TRAPPC3L: variants seen among roughly 807,000 people sequenced by gnomAD.
TRAPPC3L encodes the protein trafficking protein particle complex subunit 3-like protein.
TRAPPC3L carries 23 observed loss-of-function variants against 23.7 expected under a neutral mutation model. The ratio of observed to expected loss-of-function variants is 0.97; its 90% CI spans 0.70 to 1.37. TRAPPC3L has a LOEUF of 1.37. TRAPPC3L is among the 40% of genes most tolerant of loss of function. TRAPPC3L has a pLI of 0.00. For synonymous variants in TRAPPC3L, 81 were observed against 77.9 expected, an observed-to-expected ratio of 1.04 and a Z score of -0.21; for missense variants, 212 against 216.8, an observed-to-expected ratio of 0.98 and a Z score of 0.14.
intron 2 of TRAPPC3L, among the ~76,000 whole-genome samples, chr6:116,542,501 T>C (rs1473563502): frequency 6.6e-6 from 1 of 152,152 alleles, no homozygotes; most frequent in Non-Finnish European, 1.5e-5. Flanking sequence ...TCTGCCTAGA[T>C]AAATCTTCTA....
At chr6:116,536,524 A>G (rs533093524) in intron 3 of TRAPPC3L, among the ~76,000 whole-genome samples, 2 of 152,330 alleles carry the variant, frequency 1.3e-5, no homozygotes, top group South Asian at 2.1e-4. Context: ...CTGTTCCTAC[A>G]TGTAGTCTTT....
chr6:116,504,905 A>T (rs989291439), intron 3 of TRAPPC3L, among the ~76,000 whole-genome samples: 1 of 152,238 alleles, frequency 6.6e-6, no homozygotes, highest in Non-Finnish European at 1.5e-5. Flanking sequence ...ACCCACAGCC[A>T]ATATCATATT....
intron 3 of TRAPPC3L, chr6:116,524,063 T>A (rs868454422): frequency 4.6e-5 from 7 of 152,214 alleles, no homozygotes; most frequent in African/African-American, 1.4e-4. Flanking sequence ...TGTGTGGTAA[T>A]GGTGTGCCGA....
intron 3 of TRAPPC3L, among the ~76,000 whole-genome samples, chr6:116,506,074 G>A (rs1772002237): frequency 6.6e-6 from 1 of 152,138 alleles, no homozygotes; most frequent in Non-Finnish European, 1.5e-5. Context: ...TCATCAGACT[G>A]AGCAGGCAAC....
intron 3 of TRAPPC3L, among the ~76,000 whole-genome samples, chr6:116,538,598 C>A (rs768623199): frequency 2.0e-5 from 3 of 152,190 alleles, no homozygotes; most frequent in Non-Finnish European, 4.4e-5. Context: ...AATTATTCTT[C>A]AAATGTTCAA....
chr6:116,511,647 T>G, intron 3 of TRAPPC3L: 1 of 1,560,436 alleles, frequency 6.4e-7, no homozygotes, highest in Non-Finnish European at 8.7e-7. Flanking sequence ...CTGCCACAGC[T>G]GCTCTGCCAA....
At chr6:116,517,776 C>T (rs982657543) in intron 3 of TRAPPC3L, 1 of 152,114 alleles carries the variant, frequency 6.6e-6, no homozygotes, top group Non-Finnish European at 1.5e-5. Context: ...GCCACGGGAA[C>T]CAACCATGTG....
In TRAPPC3L at chr6:116,505,652, T is replaced by C. The variant is rs570873721; in HGVS notation, c.241-4986A>G. Reference sequence around the variant, plus strand: ...GGTTACAGTAACCAAAACAGCATGGTACTGGTACCAAAACAGATATATAGA... The same window carrying C: ...GGTTACAGTAACCAAAACAGCATGGCACTGGTACCAAAACAGATATATAGA... On this transcript the variant is annotated intron_variant, in intron 3 of 4. Transcript: ENST00000368602. Among the ~76,000 whole-genome samples, 63 of 152,322 alleles carry C rather than the reference T, an allele frequency of 4.1e-4. 1 individual carries two copies. In the South Asian group the frequency reaches 0.013, roughly 31 times the overall value.
intron 3 of TRAPPC3L, among the ~76,000 whole-genome samples, chr6:116,535,081 T>C (rs985734144): frequency 6.6e-6 from 1 of 152,218 alleles, no homozygotes; most frequent in Non-Finnish European, 1.5e-5. Flanking sequence ...ACATTGTCAG[T>C]AACTAGAAGG....
At chr6:116,534,704 C>A (rs1772963755) in intron 3 of TRAPPC3L, among the ~76,000 whole-genome samples, 1 of 151,552 alleles carries the variant, frequency 6.6e-6, no homozygotes, top group African/African-American at 2.4e-5. Flanking sequence ...TTCCTATGAT[C>A]ATTTCCTTGA....
At chr6:116,539,784 A>C (rs1051822981) in intron 3 of TRAPPC3L, among the ~76,000 whole-genome samples, 6 of 152,174 alleles carry the variant, frequency 3.9e-5, no homozygotes, top group African/African-American at 1.4e-4. Context: ...ACACTACATT[A>C]ATAACCATAG....
chr6:116,526,092 T>G (rs574772757), intron 3 of TRAPPC3L, among the ~76,000 whole-genome samples: 1 of 152,332 alleles, frequency 6.6e-6, no homozygotes, highest in African/African-American at 2.4e-5. Flanking sequence ...GCTTACAAAC[T>G]GATCCATTTC....
At chr6:116,511,873 C>A in intron 3 of TRAPPC3L, 1 of 1,614,068 alleles carries the variant, frequency 6.2e-7, no homozygotes, top group Non-Finnish European at 8.5e-7. Context: ...TTGCTCCTGC[C>A]TGGGTGTTAC....
chr6:116,511,656 A>G, intron 3 of TRAPPC3L: 1 of 1,581,406 alleles, frequency 6.3e-7, no homozygotes. Context: ...CTGCTCTGCC[A>G]ATAACAAAGG....
chr6:116,542,406 A>G (rs1363294072), intron 2 of TRAPPC3L, among the ~76,000 whole-genome samples: 3 of 152,144 alleles, frequency 2.0e-5, no homozygotes, highest in Non-Finnish European at 4.4e-5. Flanking sequence ...TTCAATCTTT[A>G]TGTTGTCTTT....
intron 3 of TRAPPC3L, among the ~76,000 whole-genome samples, chr6:116,502,904 C>T (rs1771941275): frequency 6.6e-6 from 1 of 152,170 alleles, no homozygotes; most frequent in Admixed American, 6.5e-5. Context: ...ACAACCGATA[C>T]CAGCCACTGC....
intron 3 of TRAPPC3L, among the ~76,000 whole-genome samples, chr6:116,515,259 A>G (rs575786810): frequency 7.7e-4 from 118 of 152,336 alleles, no homozygotes; most frequent in Non-Finnish European, 1.4e-3. Flanking sequence ...TTATGCACAG[A>G]ATATTTTCCT....
intron 3 of TRAPPC3L, chr6:116,521,674 C>G (rs1370397931): frequency 6.6e-6 from 1 of 152,170 alleles, no homozygotes; most frequent in Admixed American, 6.5e-5. Flanking sequence ...TGGAAACACC[C>G]CTACATACAT....
At chr6:116,545,373 C>A in intron 1 of TRAPPC3L, 100 bp downstream of exon 1, 1 of 1,007,276 alleles carries the variant, frequency 9.9e-7, no homozygotes, top group Non-Finnish European at 1.5e-6. Flanking sequence ...CTTTCCTCCA[C>A]TAAAAATTCT....
Sources: allele counts gnomAD v4.1 joint callset (sites outside exome capture counted in the v4.1 genomes callset), GRCh38; gene constraint gnomAD v4.1.1; transcripts MANE v1.5; gene names NCBI Gene and HGNC (gene_info 2026-07-23, HGNC 2026-07-21).